Variants in MMP16 observed in about 807,000 individuals in gnomAD.
MMP16 encodes the protein matrix metallopeptidase 16.
Under a neutral mutation model 67.8 loss-of-function variants are expected in MMP16, and 12 were observed. The observed-to-expected ratio is 0.18, with a 90% confidence interval of 0.11 to 0.29. The LOEUF (loss-of-function observed/expected upper bound fraction) is 0.29, where lower values mean the gene tolerates loss of function less well. Ranked by LOEUF, MMP16 falls within the 10% of genes least tolerant of loss-of-function variation. The pLI is 1.00. For synonymous variants in MMP16, 249 were observed against 255.9 expected (o/e 0.97, Z 0.26); for missense variants, 475 against 765.7 (o/e 0.62, Z 4.48).
chr8:88,096,485 G>C (rs1299787248), intron 6 of MMP16, among the ~76,000 whole-genome samples: 1 of 151,426 alleles, frequency 6.6e-6, no homozygotes, highest in Non-Finnish European at 1.5e-5. Flanking sequence ...TGTATTTCCT[G>C]CTTCTAAAAT....
intron 6 of MMP16, among the ~76,000 whole-genome samples, chr8:88,086,723 A>G (rs564843262): frequency 1.3e-5 from 2 of 152,042 alleles, no homozygotes; most frequent in African/African-American, 2.4e-5. Flanking sequence ...AGGTACATAG[A>G]CAATGTATTC....
At chr8:88,166,896 A>G (rs1808723798) in intron 4 of MMP16, among the ~76,000 whole-genome samples, 1 of 151,572 alleles carries the variant, frequency 6.6e-6, no homozygotes. Context: ...CTGGAAAGTT[A>G]ATAATAGAAT....
intron 6 of MMP16, among the ~76,000 whole-genome samples, chr8:88,110,217 G>T (rs1809310953): frequency 6.6e-6 from 1 of 151,282 alleles, no homozygotes; most frequent in Admixed American, 6.6e-5. Flanking sequence ...GGAAACTCAG[G>T]TAACTGAGTC....
chr8:88,105,815 C>T (rs531865593), intron 6 of MMP16, among the ~76,000 whole-genome samples: 1 of 150,878 alleles, frequency 6.6e-6, no homozygotes, highest in Admixed American at 6.6e-5. Flanking sequence ...CTATTAAAGA[C>T]AAAATTAAAA....
In MMP16 at chr8:88,040,585, T is replaced by A. The variant is rs1262521009; in HGVS notation, c.*876A>T. ...CAGACCCATGGAAGGCCTGGGGCAA[T>A]GGCCTAATACAACTTGGGAAGATTA... is the stretch of plus-strand genomic sequence containing the variant. On this transcript the variant is annotated 3_prime_UTR_variant, in exon 10 of 10. Transcript: ENST00000286614. The A allele has an allele frequency of 8.5e-5, 13 of 152,518 alleles. No individual in the cohort carries two copies. The allele number at this position is 152,518 out of a possible 1,614,324, so 9.4% of individuals were successfully genotyped here.
chr8:88,061,074 T>C (rs1808392991), intron 7 of MMP16, among the ~76,000 whole-genome samples: 1 of 151,418 alleles, frequency 6.6e-6, no homozygotes, highest in Non-Finnish European at 1.5e-5. Flanking sequence ...TGTTGGGAAA[T>C]ATGGTCATAA....
intron 1 of MMP16, among the ~76,000 whole-genome samples, chr8:88,259,997 T>C (rs1023179247): frequency 7.9e-5 from 12 of 152,106 alleles, no homozygotes; most frequent in Admixed American, 7.2e-4. Flanking sequence ...TAGGTAAAGG[T>C]AGAAAGCACT....
At chr8:88,245,244 C>T (rs1023252526) in intron 1 of MMP16, among the ~76,000 whole-genome samples, 7 of 152,048 alleles carry the variant, frequency 4.6e-5, no homozygotes, top group African/African-American at 1.7e-4. Context: ...TAGTTTTTAC[C>T]AAACAAGGTT....
At chr8:88,165,281 A>C (rs1808694477) in intron 4 of MMP16, among the ~76,000 whole-genome samples, 1 of 151,784 alleles carries the variant, frequency 6.6e-6, no homozygotes. Flanking sequence ...TCAATATTTT[A>C]AGACAAAATA....
At chr8:88,061,049 T>A (rs1808392568) in intron 7 of MMP16, among the ~76,000 whole-genome samples, 1 of 151,748 alleles carries the variant, frequency 6.6e-6, no homozygotes. Flanking sequence ...ATTTAAGTGA[T>A]TATATTTAAC....
chr8:88,186,387 G>A (rs1316394827), intron 3 of MMP16, 89 bp downstream of exon 3: 1 of 1,509,198 alleles, frequency 6.6e-7, no homozygotes, highest in Non-Finnish European at 9.1e-7. Context: ...TTAACATGTA[G>A]TCAACGTGCA....
chr8:88,059,681 G>A (rs963858807), intron 7 of MMP16, among the ~76,000 whole-genome samples: 2 of 151,590 alleles, frequency 1.3e-5, no homozygotes, highest in Non-Finnish European at 2.9e-5. Context: ...CCCTTCCATC[G>A]TCCCTTCTAA....
chr8:88,079,561 C>T (rs1408994744), intron 6 of MMP16, among the ~76,000 whole-genome samples: 1 of 152,128 alleles, frequency 6.6e-6, no homozygotes, highest in Admixed American at 6.5e-5. Flanking sequence ...CAATTTGAAT[C>T]ACAAATCATC....
At chr8:88,073,073 G>A (rs1292341171) in intron 7 of MMP16, among the ~76,000 whole-genome samples, 5 of 152,310 alleles carry the variant, frequency 3.3e-5, no homozygotes, top group Non-Finnish European at 5.9e-5. Flanking sequence ...CCTGTGAGGA[G>A]ACAGGGCCTC....
chr8:88,323,252 T>G (rs1288979113), intron 1 of MMP16, among the ~76,000 whole-genome samples: 6 of 152,156 alleles, frequency 3.9e-5, no homozygotes, highest in Non-Finnish European at 8.8e-5. Flanking sequence ...AAAATATAAT[T>G]TTTATCTCTG....
chr8:88,241,484 G>T (rs1444078046), intron 1 of MMP16, among the ~76,000 whole-genome samples: 1 of 151,964 alleles, frequency 6.6e-6, no homozygotes, highest in African/African-American at 2.4e-5. Context: ...AGATTATTTA[G>T]GTAGAGAGTT....
chr8:88,277,946 C>A (rs1306214064), intron 1 of MMP16, among the ~76,000 whole-genome samples: 1 of 152,152 alleles, frequency 6.6e-6, no homozygotes, highest in African/African-American at 2.4e-5. Context: ...AAGATCTTCT[C>A]CAGCACTACT....
intron 1 of MMP16, among the ~76,000 whole-genome samples, chr8:88,225,586 G>A (rs1373032903): frequency 6.6e-6 from 1 of 151,762 alleles, no homozygotes; most frequent in Admixed American, 6.6e-5. Flanking sequence ...CATACATCAT[G>A]ATCATTTCCA....
intron 3 of MMP16, among the ~76,000 whole-genome samples, chr8:88,178,619 T>C (rs1047819556): frequency 5.3e-5 from 8 of 152,336 alleles, no homozygotes; most frequent in African/African-American, 1.9e-4. Context: ...TGGCAAGTTC[T>C]GCATATCCTC....
Sources: gnomAD v4.1 joint callset for allele counts (sites outside exome capture counted in the v4.1 genomes callset) on GRCh38, gnomAD v4.1.1 for gene constraint, MANE v1.5 for transcripts, NCBI Gene and HGNC (gene_info 2026-07-23, HGNC 2026-07-21) for gene names.